VWC2: variants seen among roughly 807,000 people sequenced by gnomAD.
VWC2 encodes brorin.
VWC2 carries 14 observed loss-of-function variants against 29.8 expected under a neutral mutation model. The ratio of observed to expected loss-of-function variants is 0.47; its 90% CI spans 0.31 to 0.74. The LOEUF is 0.74. Among genes scored for constraint, VWC2 ranks in the 30% least tolerant of loss-of-function variants. The pLI is 0.05. For missense variants in VWC2, 457 were observed against 459.8 expected, an observed-to-expected ratio of 0.99 and a Z score of 0.05; for synonymous variants, 213 against 199.0, an observed-to-expected ratio of 1.07 and a Z score of -0.59.
intron 3 of VWC2, among the ~76,000 whole-genome samples, chr7:49,846,805 G>A (rs1789959935): frequency 1.3e-5 from 2 of 152,126 alleles, no homozygotes; most frequent in South Asian, 4.1e-4. Context: ...TTATACATAT[G>A]TAAATTTCCC....
intron 3 of VWC2, among the ~76,000 whole-genome samples, chr7:49,907,607 T>C (rs1793175882): frequency 1.3e-5 from 2 of 152,176 alleles, no homozygotes; most frequent in Non-Finnish European, 2.9e-5. Context: ...AGTCTGAGAA[T>C]GTGTGCCCAA....
intron 3 of VWC2, among the ~76,000 whole-genome samples, chr7:49,901,799 A>T (rs1056401611): frequency 6.8e-6 from 1 of 147,604 alleles, no homozygotes; most frequent in African/African-American, 2.7e-5. Flanking sequence ...ACAGTGTGGT[A>T]TTGGCAAAAG....
intron 3 of VWC2, among the ~76,000 whole-genome samples, chr7:49,908,039 C>A (rs1473871330): frequency 6.6e-6 from 1 of 152,164 alleles, no homozygotes; most frequent in Non-Finnish European, 1.5e-5. Flanking sequence ...GACAGCCTTG[C>A]AGGGCCATTT....
intron 3 of VWC2, among the ~76,000 whole-genome samples, chr7:49,839,439 T>C (rs938325472): frequency 2.0e-5 from 3 of 152,348 alleles, no homozygotes; most frequent in Admixed American, 6.5e-5. Flanking sequence ...GCTTCACTTG[T>C]TAAGAAATGT....
intron 3 of VWC2, among the ~76,000 whole-genome samples, chr7:49,815,108 C>T (rs547120387): frequency 6.6e-6 from 1 of 152,270 alleles, no homozygotes; most frequent in East Asian, 1.9e-4. Flanking sequence ...ATATATATGG[C>T]ACTCTTATAA....
chr7:49,820,916 G>C (rs1789247903), intron 3 of VWC2, among the ~76,000 whole-genome samples: 1 of 152,168 alleles, frequency 6.6e-6, no homozygotes, highest in Non-Finnish European at 1.5e-5. Flanking sequence ...CGGGACAAGA[G>C]TTCTATGCAG....
Position 49,775,793 on chromosome 7 carries a change from G to T in VWC2, c.358G>T (p.Ala120Ser), listed in dbSNP as rs1477021006. The change falls in exon 2 of 4, where the codon GCG (alanine) becomes TCG (serine). Residue 120 changes from alanine to serine, a missense_variant. Around this residue, in one of 2 missense-constraint regions of VWC2, gnomAD observed 272 missense variants for 202.7 expected, o/e 1.34. Coordinates refer to ENST00000340652, the MANE Select transcript of VWC2 (RefSeq NM_198570.5). ...CCGGCCCCGCGGGGACACCCCGCAG[G>T]CGGAAGCCCTGGCCGCAGCCGCCCA... Reference protein sequence around the residue: ...QVRPRGDTPQAEALAAAAQDA... With the variant: ...QVRPRGDTPQSEALAAAAQDA... 6.5e-7 allele frequency: 1 copy of T among 1,531,422 alleles called. No individual in the cohort carries two copies. The highest frequency in any genetic ancestry group is 8.8e-7 in the Non-Finnish European group (1 of 1,139,430). The allele number at this position is 1,531,422 out of a possible 1,614,324, so 94.9% of individuals were successfully genotyped here. A position where few individuals can be genotyped will look rare whatever the true frequency, so the allele number is the denominator to read the frequency against.
intron 3 of VWC2, among the ~76,000 whole-genome samples, chr7:49,860,792 T>C (rs692478): frequency 0.098 from 14,946 of 152,144 alleles, 2,132 homozygotes; most frequent in African/African-American, 0.31. Context: ...TCTAATAGGG[T>C]TGGTCTCCCT....
chr7:49,841,464 T>C (rs1376551715), intron 3 of VWC2, among the ~76,000 whole-genome samples: 3 of 152,242 alleles, frequency 2.0e-5, no homozygotes, highest in Non-Finnish European at 4.4e-5. Context: ...GTTTTAAGTA[T>C]GGATATAAAA....
intron 3 of VWC2, among the ~76,000 whole-genome samples, chr7:49,854,287 C>T (rs1460350780): frequency 2.0e-5 from 3 of 152,150 alleles, no homozygotes; most frequent in African/African-American, 7.2e-5. Context: ...GAGGAATTGC[C>T]ACACTCTTCC....
chr7:49,774,732 G>C lies in VWC2; in HGVS notation c.-103-601G>C, dbSNP rs961586993. Among the ~76,000 whole-genome samples, 35 of 152,206 alleles carry C rather than the reference G, an allele frequency of 2.3e-4. 1 individual carries two copies. The highest frequency in any genetic ancestry group is 8.0e-4 in the African/African-American group (33 of 41,456). On this transcript the variant is annotated intron_variant, in intron 1 of 3. Transcript: ENST00000340652. The stretch of plus-strand genomic sequence containing the variant: ...GGCCGAGGGCATCCTTTCATGCAGC[G>C]GGGCTTAGAGAGCGGGGAGGGGGCG...
chr7:49,815,880 G>A (rs1411176993), intron 3 of VWC2, among the ~76,000 whole-genome samples: 7 of 152,044 alleles, frequency 4.6e-5, no homozygotes, highest in East Asian at 3.9e-4. Flanking sequence ...TTTGCTGTAC[G>A]CCACAAAAGA....
chr7:49,775,814 G>T lies in VWC2; in HGVS notation c.379G>T (p.Ala127Ser), dbSNP rs574589537. 3.9e-6 allele frequency: 6 copies of T among 1,540,558 alleles called. No individual in the cohort carries two copies. The highest frequency in any genetic ancestry group is 5.2e-6 in the Non-Finnish European group (6 of 1,143,198). ...GCAGGCGGAAGCCCTGGCCGCAGCCGCCCAGGACGCGATTGGCCCGGAACT... is the reference window on the plus strand; with the variant it reads ...GCAGGCGGAAGCCCTGGCCGCAGCCTCCCAGGACGCGATTGGCCCGGAACT... ...TPQAEALAAA[A>S]QDAIGPELAP... is the part of the protein sequence containing the mutation. The change falls in exon 2 of 4, where the codon GCC (alanine) becomes TCC (serine). Residue 127 changes from alanine (A) to serine (S), a missense_variant. Physicochemically the swap from Ala to Ser is moderately conservative, Grantham distance 99. Around this residue, in one of 2 missense-constraint regions of VWC2, gnomAD observed 272 missense variants for 202.7 expected, o/e 1.34. Transcript: ENST00000340652.
At chr7:49,802,445 C>T (rs1254802660) in intron 2 of VWC2, among the ~76,000 whole-genome samples, 1 of 152,148 alleles carries the variant, frequency 6.6e-6, no homozygotes, top group African/African-American at 2.4e-5. Context: ...CAAGACCAGC[C>T]TGGCCAACAT....
chr7:49,813,861 CA>C (rs916191002), intron 3 of VWC2, among the ~76,000 whole-genome samples: 7 of 151,944 alleles, frequency 4.6e-5, no homozygotes, highest in African/African-American at 1.4e-4. Context: ...GCAGCCAAAG[CA>C]AAAAAGAGAA....
At chr7:49,828,389 T>C (rs534080868) in intron 3 of VWC2, among the ~76,000 whole-genome samples, 3 of 152,334 alleles carry the variant, frequency 2.0e-5, no homozygotes, top group East Asian at 1.9e-4. Flanking sequence ...CTAAGGTTTT[T>C]GCAAGTAAAC....
chr7:49,780,134 C>T (rs2128701286), intron 2 of VWC2, among the ~76,000 whole-genome samples: 1 of 152,308 alleles, frequency 6.6e-6, no homozygotes, highest in East Asian at 1.9e-4. Context: ...CATCAGCACA[C>T]ATGATGGGAA....
At chr7:49,884,022 C>T (rs926075882) in intron 3 of VWC2, among the ~76,000 whole-genome samples, 41 of 152,214 alleles carry the variant, frequency 2.7e-4, no homozygotes, top group African/African-American at 9.6e-4. Flanking sequence ...GTGGGGCCAG[C>T]CAAGGTAGGA....
chr7:49,905,055 T>C (rs1793013324), intron 3 of VWC2, among the ~76,000 whole-genome samples: 1 of 152,190 alleles, frequency 6.6e-6, no homozygotes, highest in Admixed American at 6.5e-5. Context: ...ATTCTAATTG[T>C]TATCTGAATA....
Sources: gnomAD v4.1 joint callset for allele counts (sites outside exome capture counted in the v4.1 genomes callset) on GRCh38, gnomAD v4.1.1 for gene constraint, gnomAD v4.1.1 regional missense constraint, MANE v1.5 for transcripts, NCBI Gene and HGNC (gene_info 2026-07-23, HGNC 2026-07-21) for gene names.